BNC2: variants seen among roughly 807,000 people sequenced by gnomAD.
BNC2 encodes the protein basonuclin zinc finger protein 2, also known as zinc finger protein basonuclin-2.
Under a neutral mutation model 76.3 loss-of-function variants are expected in BNC2, and 20 were observed. That is an observed-to-expected ratio of 0.26 (90% CI 0.18 to 0.38). The LOEUF (loss-of-function observed/expected upper bound fraction) is 0.38. Among genes scored for constraint, BNC2 ranks in the 10% least tolerant of loss-of-function variants. BNC2 has a pLI of 1.00. For synonymous variants in BNC2, 582 were observed against 514.8 expected, an observed-to-expected ratio of 1.13 and a Z score of -1.77; for missense variants, 1,382 against 1,399.8, an observed-to-expected ratio of 0.99 and a Z score of 0.20.
intron 1 of BNC2, among the ~76,000 whole-genome samples, chr9:16,836,141 C>T (rs915118741): frequency 4.6e-5 from 7 of 152,190 alleles, no homozygotes; most frequent in East Asian, 1.9e-4. Context: ...CACAGCAAGA[C>T]GGTCCTGCTA....
chr9:16,494,129 A>G (rs980114376), intron 5 of BNC2, among the ~76,000 whole-genome samples: 3 of 152,202 alleles, frequency 2.0e-5, no homozygotes, highest in African/African-American at 7.2e-5. Flanking sequence ...ACTAAATAAA[A>G]TACGAAATAT....
chr9:16,711,241 GAAC>G (rs1823837956), intron 3 of BNC2, among the ~76,000 whole-genome samples: 1 of 152,116 alleles, frequency 6.6e-6, no homozygotes, highest in East Asian at 1.9e-4. Context: ...TGAAACTACA[GAAC>G]AACAGGGTCA....
At chr9:16,641,329 G>C (rs1463877032) in intron 3 of BNC2, among the ~76,000 whole-genome samples, 1 of 152,112 alleles carries the variant, frequency 6.6e-6, no homozygotes, top group Non-Finnish European at 1.5e-5. Flanking sequence ...ATAACAGAAA[G>C]GAAGTGGTCA....
rs541082740 is a variant in BNC2 at position 16,418,993 on chromosome 9, T to A, written c.3296A>T (p.Asp1099Val). 2 of 1,614,094 alleles carry A rather than the reference T, an allele frequency of 1.2e-6. No individual in the cohort carries two copies. Among genetic ancestry groups the A allele is most frequent in the African/African-American group, 2.7e-5 (2 of 75,026 alleles). ...TTTGTAGTGTCCATTCTGAGACTAA[T>A]CTACTGAAGTGAAGGGAATGTTTTT... ...LHKNIPFTSV[D>V] Residue 1099 changes from aspartate to valine, a missense_variant, in exon 7 of 7, where the codon GAT becomes GTT. This residue lies in a region of BNC2 where 798 missense variants were observed against 775.5 expected (regional missense o/e 1.03). Coordinates refer to ENST00000380672, the MANE Select transcript of BNC2 (RefSeq NM_017637.6).
Position 16,727,786 on chromosome 9 carries a change from A to G in BNC2, c.330+11T>C, listed in dbSNP as rs2134989543. 6.2e-7 allele frequency: 1 copy of G among 1,603,876 alleles called. No individual in the cohort carries two copies. The highest frequency in any genetic ancestry group is 1.7e-4 in the Middle Eastern group (1 of 5,990). ...AAAAGAAAAAAAAAATCAAGAAAGAAAGTAACTTACCTGTTGGGACATTCT... is the reference window on the plus strand; with the variant it reads ...AAAAGAAAAAAAAAATCAAGAAAGAGAGTAACTTACCTGTTGGGACATTCT... On this transcript the variant is annotated intron_variant, in intron 3 of 6. Coordinates refer to ENST00000380672, the MANE Select transcript of BNC2 (RefSeq NM_017637.6).
intron 1 of BNC2, among the ~76,000 whole-genome samples, chr9:16,743,713 TGG>T (rs1475399316): frequency 6.6e-6 from 1 of 152,172 alleles, no homozygotes; most frequent in Admixed American, 6.5e-5. Flanking sequence ...AATGAAGGTT[TGG>T]GGTTCTTTCC....
intron 3 of BNC2, among the ~76,000 whole-genome samples, chr9:16,687,092 A>T (rs1055701825): frequency 2.0e-5 from 3 of 152,286 alleles, no homozygotes; most frequent in African/African-American, 7.2e-5. Flanking sequence ...ACTGAGGCTT[A>T]GAGTAGGTAA....
chr9:16,480,704 C>T (rs1256613881), intron 5 of BNC2, among the ~76,000 whole-genome samples: 2 of 152,210 alleles, frequency 1.3e-5, no homozygotes, highest in Non-Finnish European at 2.9e-5. Context: ...AGCCCACTGG[C>T]GCTGTACTTG....
At chr9:16,732,246 A>G (rs1824528178) in intron 2 of BNC2, among the ~76,000 whole-genome samples, 1 of 152,100 alleles carries the variant, frequency 6.6e-6, no homozygotes, top group Non-Finnish European at 1.5e-5. Context: ...GCAAGTGAGC[A>G]AAGAATTTTG....
At chr9:16,563,034 T>C (rs1819059144) in intron 4 of BNC2, among the ~76,000 whole-genome samples, 1 of 152,188 alleles carries the variant, frequency 6.6e-6, no homozygotes, top group Admixed American at 6.5e-5. Context: ...GTGCATTTAT[T>C]TGAAGTGAAA....
At chr9:16,450,067 C>A (rs1022969369) in intron 5 of BNC2, among the ~76,000 whole-genome samples, 3 of 152,036 alleles carry the variant, frequency 2.0e-5, no homozygotes, top group Non-Finnish European at 2.9e-5. Context: ...TAATTGAGAA[C>A]AGATAATGTA....
intron 6 of BNC2, among the ~76,000 whole-genome samples, chr9:16,427,965 A>T (rs150199230): frequency 1.8e-4 from 27 of 152,268 alleles, no homozygotes; most frequent in South Asian, 1.7e-3. Flanking sequence ...GGACAAATAC[A>T]TAAGTTTTTT....
At chr9:16,514,916 A>C (rs534066010) in intron 5 of BNC2, among the ~76,000 whole-genome samples, 1 of 152,204 alleles carries the variant, frequency 6.6e-6, no homozygotes, top group South Asian at 2.1e-4. Flanking sequence ...AAAAATTCCA[A>C]TTATTGAACT....
intron 5 of BNC2, among the ~76,000 whole-genome samples, chr9:16,508,662 T>A (rs1822685622): frequency 6.6e-6 from 1 of 152,192 alleles, no homozygotes; most frequent in Admixed American, 6.5e-5. Flanking sequence ...TGGCTCTTTA[T>A]GCCCAGAGGC....
At chr9:16,574,122 A>G (rs1314935369) in intron 4 of BNC2, among the ~76,000 whole-genome samples, 1 of 152,126 alleles carries the variant, frequency 6.6e-6, no homozygotes, top group Admixed American at 6.6e-5. Flanking sequence ...GTAAAAGGAG[A>G]GGAGTTGAGT....
intron 3 of BNC2, among the ~76,000 whole-genome samples, chr9:16,584,196 G>C (rs1013669495): frequency 1.3e-5 from 2 of 152,118 alleles, no homozygotes; most frequent in Non-Finnish European, 2.9e-5. Flanking sequence ...TTCTGGGGTG[G>C]AGGGGTGGGC....
intron 1 of BNC2, among the ~76,000 whole-genome samples, chr9:16,794,238 C>T (rs1817588267): frequency 6.6e-6 from 1 of 152,126 alleles, no homozygotes; most frequent in Non-Finnish European, 1.5e-5. Context: ...AGATGGGAAA[C>T]TCTCACTACC....
chr9:16,545,312 C>T (rs755316895), intron 5 of BNC2, among the ~76,000 whole-genome samples: 2 of 152,202 alleles, frequency 1.3e-5, no homozygotes, highest in Non-Finnish European at 2.9e-5. Flanking sequence ...CAGTCTGTAT[C>T]ATCATCTTTT....
At chr9:16,694,204 T>G (rs538659455) in intron 3 of BNC2, among the ~76,000 whole-genome samples, 1 of 152,236 alleles carries the variant, frequency 6.6e-6, no homozygotes, top group East Asian at 1.9e-4. Context: ...AAAGGGTGAT[T>G]GAAAAACTTA....
Sources: allele counts gnomAD v4.1 joint callset (sites outside exome capture counted in the v4.1 genomes callset), GRCh38; gene constraint gnomAD v4.1.1; regional missense constraint gnomAD v4.1.1; transcripts MANE v1.5; gene names NCBI Gene and HGNC (gene_info 2026-07-23, HGNC 2026-07-21).